B3GAT2: variants seen among roughly 807,000 people sequenced by gnomAD.
The protein encoded by B3GAT2 is beta-1,3-glucuronyltransferase 2.
In B3GAT2, 26 loss-of-function variants were observed where a neutral mutation model predicts 27.8. The ratio of observed to expected loss-of-function variants is 0.93; its 90% confidence interval spans 0.68 to 1.30. The LOEUF is 1.30. Ranked by LOEUF, B3GAT2 falls within the 50% of genes most tolerant of loss-of-function variation. B3GAT2 has a pLI of 0.00. For synonymous variants in B3GAT2, 218 were observed against 195.1 expected (o/e 1.12, Z -0.98); for missense variants, 458 against 459.0 (o/e 1.00, Z 0.02).
chr6:70,944,356 C>A (rs971148254), intron 1 of B3GAT2, among the ~76,000 whole-genome samples: 6 of 152,116 alleles, frequency 3.9e-5, no homozygotes, highest in African/African-American at 1.4e-4. Context: ...CCTGGAAAAT[C>A]GGGTCACTCC....
chr6:70,861,548 G>T lies in B3GAT2; in HGVS notation c.*115C>A, dbSNP rs1471756798. On this transcript the variant is annotated 3_prime_UTR_variant, in exon 4 of 4. Coordinates refer to ENST00000230053, the MANE Select transcript of B3GAT2 (RefSeq NM_080742.3). ...AGATGTCCATCAGATGACAAGAAAG[G>T]CTGCTGTACTGAAGTAAAACAAACA... 2 of 859,424 alleles carry T rather than the reference G, an allele frequency of 2.3e-6. No homozygotes were observed. Among genetic ancestry groups the T allele is most frequent in the Non-Finnish European group, 3.7e-6 (2 of 545,628 alleles). 53.2% of individuals were successfully genotyped at this position (859,424 alleles called of 1,614,324 possible).
chr6:70,923,389 T>C (rs1772903017), intron 1 of B3GAT2, among the ~76,000 whole-genome samples: 1 of 152,158 alleles, frequency 6.6e-6, no homozygotes, highest in Non-Finnish European at 1.5e-5. Context: ...CTTAAAACCC[T>C]GCTTAGTCCA....
At chr6:70,949,377 A>G (rs1015957609) in intron 1 of B3GAT2, among the ~76,000 whole-genome samples, 19 of 152,352 alleles carry the variant, frequency 1.2e-4, no homozygotes, top group African/African-American at 4.6e-4. Flanking sequence ...AAACAACCCC[A>G]TCAACAAGTG....
rs75894726 is a variant in B3GAT2 at position 70,951,147 on chromosome 6, C to T, written c.591+4692G>A. Among the ~76,000 whole-genome samples the T allele has an allele frequency of 3.1e-3, 475 of 152,026 alleles. 13 individuals carry two copies. The East Asian group carries it at 0.084, about 27-fold the overall frequency. ...TACACAGGCTGAATATTCCAGAGTC[C>T]AAAACATTTAAATAGACATATCTGT... is the stretch of plus-strand genomic sequence containing the variant. On this transcript the variant is annotated intron_variant, in intron 1 of 3. Coordinates refer to ENST00000230053, the MANE Select transcript of B3GAT2 (RefSeq NM_080742.3).
intron 2 of B3GAT2, among the ~76,000 whole-genome samples, chr6:70,866,269 A>G (rs1166157548): frequency 6.6e-6 from 1 of 152,190 alleles, no homozygotes; most frequent in Non-Finnish European, 1.5e-5. Context: ...GGTCAAATTG[A>G]TTAGCCCTAA....
At chr6:70,885,298 A>C (rs191726067) in intron 2 of B3GAT2, among the ~76,000 whole-genome samples, 1 of 152,272 alleles carries the variant, frequency 6.6e-6, no homozygotes, top group East Asian at 1.9e-4. Context: ...GGCAAGCGGC[A>C]CTCACATGGC....
intron 1 of B3GAT2, among the ~76,000 whole-genome samples, chr6:70,917,894 C>T (rs192552531): frequency 2.5e-4 from 38 of 152,234 alleles, no homozygotes; most frequent in African/African-American, 7.2e-4. Flanking sequence ...AAGAAGAGTT[C>T]TGTAGATGTC....
At chr6:70,929,985 A>C (rs1038006337) in intron 1 of B3GAT2, among the ~76,000 whole-genome samples, 3 of 152,220 alleles carry the variant, frequency 2.0e-5, no homozygotes, top group Non-Finnish European at 4.4e-5. Context: ...TACTGATACT[A>C]AAACAGAGAT....
chr6:70,923,400 G>C (rs1381551765), intron 1 of B3GAT2, among the ~76,000 whole-genome samples: 1 of 152,090 alleles, frequency 6.6e-6, no homozygotes, highest in African/African-American at 2.4e-5. Flanking sequence ...GCTTAGTCCA[G>C]GTGCAACGGC....
At position 70,956,511 on chromosome 6, in the gene B3GAT2, G is replaced by A. The variant is rs562160390; in HGVS notation, c.-82C>T. On this transcript the variant is annotated 5_prime_UTR_variant, in exon 1 of 4. Coordinates refer to ENST00000230053, the MANE Select transcript of B3GAT2 (RefSeq NM_080742.3). ...AGTGCGCAGCTTGGACAGCGGCGGC[G>A]CCAGCACTTAGGGAGTGGTGATGGG... The A allele has an allele frequency of 1.2e-4, 180 of 1,538,718 alleles. 1 individual carries two copies. The African/African-American group carries it at 2.2e-3, about 19-fold the overall frequency.
At chr6:70,896,432 G>A (rs1032065587) in intron 1 of B3GAT2, among the ~76,000 whole-genome samples, 3 of 152,032 alleles carry the variant, frequency 2.0e-5, no homozygotes, top group African/African-American at 7.3e-5. Flanking sequence ...TCTAAAATTA[G>A]ACACATTTTG....
In B3GAT2 at chr6:70,858,300, T is replaced by A. The variant is rs979937545; in HGVS notation, c.*3363A>T. On this transcript the variant is annotated 3_prime_UTR_variant, in exon 4 of 4. Coordinates refer to ENST00000230053, the MANE Select transcript of B3GAT2 (RefSeq NM_080742.3). ...TATTTTCTAAATCTTTTTTTTTTTTTTTTTTTTTTTTTTTTAAGTCTAGTG... is the reference window on the plus strand; with the variant it reads ...TATTTTCTAAATCTTTTTTTTTTTTATTTTTTTTTTTTTTTAAGTCTAGTG... 1 of 1,301,048 alleles carries A rather than the reference T, an allele frequency of 7.7e-7. No homozygotes were observed. The highest frequency in any genetic ancestry group is 1.0e-6 in the Non-Finnish European group (1 of 990,456). The allele number at this position is 1,301,048 out of a possible 1,614,324, so 80.6% of individuals were successfully genotyped here. A position where few individuals can be genotyped will look rare whatever the true frequency, so the allele number is the denominator to read the frequency against.
At position 70,860,215 on chromosome 6, in the gene B3GAT2, G is replaced by T; in HGVS notation, c.*1448C>A. ...TGTTTCACAGATGAATCAGCAGATGGCTGGCATGAGTATCAGTAGTGCAAC... is the reference window on the plus strand; with the variant it reads ...TGTTTCACAGATGAATCAGCAGATGTCTGGCATGAGTATCAGTAGTGCAAC... On this transcript the variant is annotated 3_prime_UTR_variant, in exon 4 of 4. Transcript: ENST00000230053. The T allele has an allele frequency of 6.2e-7, 1 of 1,609,752 alleles. No individual in the cohort carries two copies. The highest frequency in any genetic ancestry group is 8.5e-7 in the Non-Finnish European group (1 of 1,178,596).
At chr6:70,948,291 G>A (rs2053843832) in intron 1 of B3GAT2, among the ~76,000 whole-genome samples, 1 of 146,688 alleles carries the variant, frequency 6.8e-6, no homozygotes, top group Non-Finnish European at 1.5e-5. Context: ...AAGTCAAATT[G>A]TCCCTGTTTG....
At chr6:70,954,916 G>GA (rs138524005) in intron 1 of B3GAT2, among the ~76,000 whole-genome samples, 1 of 73,966 alleles carries the variant, frequency 1.4e-5, no homozygotes, top group African/African-American at 4.5e-5. Flanking sequence ...CGGGGGCGGC[G>GA]GGGGGGGGCG....
chr6:70,955,119 C>CA (rs1175395849), intron 1 of B3GAT2, among the ~76,000 whole-genome samples: 3 of 132,612 alleles, frequency 2.3e-5, no homozygotes, highest in African/African-American at 8.7e-5. Context: ...CCTTGGGCTG[C>CA]AAAAAAGACG....
chr6:70,876,674 C>T (rs944436192), intron 2 of B3GAT2, among the ~76,000 whole-genome samples: 2 of 152,018 alleles, frequency 1.3e-5, no homozygotes, highest in Non-Finnish European at 2.9e-5. Flanking sequence ...AGGATGTTAT[C>T]TTTCATTTTT....
At chr6:70,952,679 T>C (rs1765595870) in intron 1 of B3GAT2, among the ~76,000 whole-genome samples, 1 of 152,124 alleles carries the variant, frequency 6.6e-6, no homozygotes, top group African/African-American at 2.4e-5. Flanking sequence ...CTGTTGAGAT[T>C]TTTGAAACCT....
intron 2 of B3GAT2, among the ~76,000 whole-genome samples, chr6:70,873,104 A>C (rs1176300678): frequency 6.6e-6 from 1 of 152,056 alleles, no homozygotes; most frequent in East Asian, 1.9e-4. Context: ...TAAAGATTAC[A>C]TTTATACTGC....
Sources: gnomAD v4.1 joint callset for allele counts (sites outside exome capture counted in the v4.1 genomes callset) on GRCh38, gnomAD v4.1.1 for gene constraint, MANE v1.5 for transcripts, NCBI Gene and HGNC (gene_info 2026-07-23, HGNC 2026-07-21) for gene names.